Variants in CAMK1 observed in about 807,000 individuals in gnomAD.
CAMK1 encodes the protein calcium/calmodulin dependent protein kinase I.
In CAMK1, 39 loss-of-function variants were observed where a neutral mutation model predicts 49.1. The ratio of observed to expected loss-of-function variants is 0.79; its 90% CI spans 0.62 to 1.04. The LOEUF (loss-of-function observed/expected upper bound fraction) is 1.04. Among genes scored for constraint, CAMK1 ranks in the 50% least tolerant of loss-of-function variants. The probability of loss-of-function intolerance (pLI) is 0.00; values close to 1 mark genes in which losing one functional copy is unlikely to be tolerated. For missense variants in CAMK1, 457 were observed against 472.2 expected (o/e 0.97, Z 0.30); for synonymous variants, 192 against 185.2 (o/e 1.04, Z -0.30).
chr3:9,765,161 A>G (rs1001931268), intron 3 of CAMK1, among the ~76,000 whole-genome samples: 3 of 151,060 alleles, frequency 2.0e-5, no homozygotes, highest in Admixed American at 6.6e-5. Flanking sequence ...CAAGAGGCAG[A>G]GGTTGCAGTG....
chr3:9,760,798 C>T, intron 7 of CAMK1, 30 bp from the exon 8 acceptor site: 1 of 1,613,284 alleles, frequency 6.2e-7, no homozygotes. Context: ...TCCTCATTTC[C>T]ACTTTCGGGT....
chr3:9,760,912 C>A lies in CAMK1; in HGVS notation c.633-144G>T, dbSNP rs112601810. 9.7e-6 allele frequency: 12 copies of A among 1,239,286 alleles called. No homozygotes were observed. The South Asian group carries it at 1.6e-4, about 17-fold the overall frequency. 76.8% of individuals were successfully genotyped at this position (1,239,286 alleles called of 1,614,324 possible). Reference sequence around the variant, plus strand: ...ACTCTACCAGCCCTGCCTGCTCACTCCTGTTCTAGCTACATTATCCTTTCT... The same window carrying A: ...ACTCTACCAGCCCTGCCTGCTCACTACTGTTCTAGCTACATTATCCTTTCT... On this transcript the variant is annotated intron_variant, in intron 7 of 11. Transcript: ENST00000256460.
chr3:9,757,505 C>A lies in CAMK1; in HGVS notation c.*34G>T, dbSNP rs555476567. ...GGGAGCAGGCTGCCCCCAAGCCCTC[C>A]CACGCAGAGGATCATGACCCGAGGT... On this transcript the variant is annotated 3_prime_UTR_variant, in exon 12 of 12. Transcript: ENST00000256460. The surrounding 1 kb of genome is among the most constrained non-coding windows in gnomAD (Gnocchi z 4.5). 1.9e-6 allele frequency: 3 copies of A among 1,606,298 alleles called. No individual in the cohort carries two copies. Among genetic ancestry groups the A allele is most frequent in the Middle Eastern group, 1.7e-4 (1 of 5,978 alleles).
intron 1 of CAMK1, among the ~76,000 whole-genome samples, chr3:9,768,353 T>A (rs180979709): frequency 6.6e-6 from 1 of 152,256 alleles, no homozygotes; most frequent in African/African-American, 2.4e-5. Context: ...TCCCCAGACC[T>A]CTCCCTCCTG....
chr3:9,764,920 C>A (rs567007196), intron 3 of CAMK1, among the ~76,000 whole-genome samples: 1 of 152,174 alleles, frequency 6.6e-6, no homozygotes, highest in South Asian at 2.1e-4. Flanking sequence ...AATCCCTGTC[C>A]TCTCTGGGTC....
intron 2 of CAMK1, 163 bp from the exon 3 acceptor site, chr3:9,766,053 C>G (rs139870756): frequency 7.0e-5 from 111 of 1,594,760 alleles, no homozygotes; most frequent in Non-Finnish European, 8.6e-5. Context: ...GGTCACATGA[C>G]CCAGGCCTGG....
At chr3:9,759,458 C>A (rs2077741518) in intron 10 of CAMK1, 30 bp downstream of exon 10, 1 of 1,613,874 alleles carries the variant, frequency 6.2e-7, no homozygotes, top group African/African-American at 1.3e-5. Flanking sequence ...CCTGGGGAGG[C>A]TGGGACCAGA....
chr3:9,761,855 C>A, intron 5 of CAMK1, 98 bp from the exon 6 acceptor site: 1 of 1,511,558 alleles, frequency 6.6e-7, no homozygotes. Context: ...ATAATGGATC[C>A]CCAAAAGCCA....
chr3:9,759,336 T>G, intron 10 of CAMK1, 152 bp downstream of exon 10: 1 of 1,564,292 alleles, frequency 6.4e-7, no homozygotes, highest in Non-Finnish European at 8.8e-7. Flanking sequence ...GTTTGTTGAA[T>G]GAAAGAGTGA....
rs540971111 is a variant in CAMK1, at chr3:9,761,655, C to T, written c.532G>A (p.Ala178Thr). The change falls in exon 6 of 12, where the codon GCC becomes ACC. Residue 178 changes from alanine to threonine, a missense_variant. Ala to Thr is a moderately conservative substitution (Grantham distance 58, BLOSUM62 0). Coordinates refer to ENST00000256460, the MANE Select transcript of CAMK1 (RefSeq NM_003656.5). ...MEDPGSVLSTACGTPGYVAPE... is the reference protein window; with the variant it reads ...MEDPGSVLSTTCGTPGYVAPE... ...CCCACGTATCCCGGAGTTCCACAGG[C>T]GGTGGAGAGCACACTGCCCGGGTCC... 18 of 1,614,120 alleles carry T rather than the reference C, an allele frequency of 1.1e-5. No individual in the cohort carries two copies. The African/African-American group carries it at 1.3e-4, about 12-fold the overall frequency.
intron 7 of CAMK1, 158 bp downstream of exon 7, chr3:9,761,303 A>G: frequency 1.4e-6 from 1 of 732,632 alleles, no homozygotes; most frequent in Admixed American, 3.0e-5. Context: ...CTTGAAACAT[A>G]GTATCTATTG....
intron 2 of CAMK1, chr3:9,766,778 T>C (rs1453174153): frequency 1.0e-5 from 3 of 289,322 alleles, no homozygotes; most frequent in Non-Finnish European, 1.7e-5. Context: ...CAGGGATAAT[T>C]AGTTACTGTA....
At chr3:9,767,913 CAA>C in intron 1 of CAMK1, 132 bp from the exon 2 acceptor site, 1 of 1,304,440 alleles carries the variant, frequency 7.7e-7, no homozygotes, top group Non-Finnish European at 1.0e-6. Context: ...AATCATTCAA[CAA>C]ACATTCATTT....
At position 9,759,846 on chromosome 3, in the gene CAMK1, CAAGACA is replaced by C. The variant is rs766869392; in HGVS notation, c.746-102_746-97del. On this transcript the variant is annotated intron_variant, in intron 8 of 11. Coordinates refer to ENST00000256460, the MANE Select transcript of CAMK1 (RefSeq NM_003656.5). ...CACTCCCTCAGGTCTGGCCTGGCAT[CAAGACA>C]AAGAGGCCAAATCAGTCCATGCCCC... 5.0e-6 allele frequency: 8 copies of C among 1,605,244 alleles called. No individual in the cohort carries two copies. In the Admixed American group the frequency reaches 1.2e-4, roughly 24 times the overall value.
intron 3 of CAMK1, among the ~76,000 whole-genome samples, chr3:9,764,547 G>A (rs1410736356): frequency 6.6e-6 from 1 of 151,366 alleles, no homozygotes; most frequent in Admixed American, 6.6e-5. Flanking sequence ...CCCCACCTCA[G>A]GTGATCTGCC....
intron 8 of CAMK1, 147 bp from the exon 9 acceptor site, chr3:9,759,897 C>G: frequency 7.5e-7 from 1 of 1,325,506 alleles, no homozygotes; most frequent in Non-Finnish European, 1.0e-6. Context: ...AACCTATGCT[C>G]TTCTTCAGGC....
intron 2 of CAMK1, among the ~76,000 whole-genome samples, chr3:9,767,398 T>C (rs293796): frequency 0.93 from 141,503 of 152,304 alleles, 65,920 homozygotes; most frequent in African/African-American, 0.98. Flanking sequence ...GCTAGAACAC[T>C]TAGCTCTTGG....
rs763370367 is a variant in CAMK1 at position 9,765,889 on chromosome 3, C to G, written c.85G>C (p.Gly29Arg). Reference sequence around the variant, plus strand: ...GCCAGGATCACCTCCGAGAAGGCCCCCCTATCGGGAGAGGGGATTCACAAG... The same window carrying G: ...GCCAGGATCACCTCCGAGAAGGCCCGCCTATCGGGAGAGGGGATTCACAAG... ...IYDFRDVLGT[G>R]AFSEVILAED... Residue 29 changes from glycine (G) to arginine (R), a missense_variant and splice_region_variant, in exon 3 of 12, where the codon GGG becomes CGG. By Grantham distance (125) the Gly-to-Arg change is moderately radical. Transcript: ENST00000256460. 2 of 1,614,026 alleles carry G rather than the reference C, an allele frequency of 1.2e-6. No individual in the cohort carries two copies. The highest frequency in any genetic ancestry group is 1.3e-5 in the African/African-American group (1 of 74,926).
intron 3 of CAMK1, among the ~76,000 whole-genome samples, chr3:9,763,528 G>A (rs112380682): frequency 5.9e-5 from 9 of 152,044 alleles, no homozygotes; most frequent in African/African-American, 1.9e-4. Flanking sequence ...GGAAAAGCTA[G>A]CTTACCATGG....
Sources: allele counts gnomAD v4.1 joint callset (sites outside exome capture counted in the v4.1 genomes callset), GRCh38; gene constraint gnomAD v4.1.1; non-coding constraint Gnocchi (gnomAD v3.1); transcripts MANE v1.5; gene names NCBI Gene and HGNC (gene_info 2026-07-23, HGNC 2026-07-21).